The following SPECC1 variants were observed in gnomAD, a reference collection of about 807,000 sequenced individuals.
The protein encoded by SPECC1 is cytospin-B.
Under a neutral mutation model 104.1 loss-of-function variants are expected in SPECC1, and 62 were observed. That is an observed-to-expected ratio of 0.60 (90% confidence interval 0.49 to 0.74). The LOEUF is 0.74. Ranked by LOEUF, SPECC1 falls within the 30% of genes least tolerant of loss-of-function variation. The probability of loss-of-function intolerance (pLI) is 0.00; values close to 1 mark genes in which losing one functional copy is unlikely to be tolerated. For missense variants in SPECC1, 1,306 were observed against 1,310.5 expected (o/e 1.00, Z 0.05); for synonymous variants, 513 against 501.6 (o/e 1.02, Z -0.30).
At chr17:20,313,835 C>T in intron 14 of SPECC1, 141 bp from the exon 15 acceptor site, 1 of 701,546 alleles carries the variant, frequency 1.4e-6, no homozygotes, top group Non-Finnish European at 2.5e-6. Context: ...TTCAGCACCA[C>T]CTGTGCTGGC....
chr17:20,056,320 C>T lies in SPECC1; in HGVS notation c.-21-40311C>T, dbSNP rs185779762. ...ATCCAGCCTGTGAGGCCACCTGGTGCGGCTTGGGAACCCGCAGAAGCCTGC... is the reference window on the plus strand; with the variant it reads ...ATCCAGCCTGTGAGGCCACCTGGTGTGGCTTGGGAACCCGCAGAAGCCTGC... On this transcript the variant is annotated intron_variant, in intron 1 of 14. Coordinates refer to ENST00000395527, the MANE Select transcript of SPECC1 (RefSeq NM_001243439.2). 473 of 189,104 alleles carry T rather than the reference C, an allele frequency of 2.5e-3. 1 individual carries two copies. The highest frequency in any genetic ancestry group is 6.7e-3 in the East Asian group (51 of 7,584). The allele number at this position is 189,104 out of a possible 1,614,324, so 11.7% of individuals were successfully genotyped here. A position where few individuals can be genotyped will look rare whatever the true frequency, so the allele number is the denominator to read the frequency against.
chr17:20,300,835 G>T lies in SPECC1; in HGVS notation c.3057+3758G>T, dbSNP rs370069144. On this transcript the variant is annotated intron_variant, in intron 13 of 14. Transcript: ENST00000395527. ...ACCACCAGGGAGTGTGTAAGGCAGC[G>T]TGTGGAAGACTGTGGGTCTGTGATG... Among the ~76,000 whole-genome samples the T allele has an allele frequency of 1.4e-4, 21 of 152,350 alleles. No individual in the cohort carries two copies. In the East Asian group the frequency reaches 3.7e-3, roughly 27 times the overall value.
At chr17:20,090,941 A>G (rs1226252822) in intron 1 of SPECC1, among the ~76,000 whole-genome samples, 1 of 152,112 alleles carries the variant, frequency 6.6e-6, no homozygotes, top group Non-Finnish European at 1.5e-5. Flanking sequence ...ATGGGTCTCC[A>G]GATTACACCC....
intron 12 of SPECC1, among the ~76,000 whole-genome samples, chr17:20,275,421 A>G (rs923650987): frequency 2.6e-5 from 4 of 152,146 alleles, no homozygotes; most frequent in African/African-American, 9.7e-5. Context: ...GTATATAGTA[A>G]AAAGTGCAAT....
intron 3 of SPECC1, among the ~76,000 whole-genome samples, chr17:20,166,499 A>G (rs1303458000): frequency 6.6e-6 from 1 of 152,206 alleles, no homozygotes; most frequent in Admixed American, 6.5e-5. Flanking sequence ...ATTGAAAACT[A>G]CAATTATAGA....
chr17:20,021,617 A>T (rs2044377217), intron 1 of SPECC1, among the ~76,000 whole-genome samples: 1 of 150,302 alleles, frequency 6.7e-6, no homozygotes, highest in Admixed American at 6.6e-5. Flanking sequence ...GGGTGGCTGC[A>T]CCACTACCTT....
intron 12 of SPECC1, among the ~76,000 whole-genome samples, chr17:20,268,999 C>T (rs1000129786): frequency 9.9e-5 from 15 of 152,170 alleles, no homozygotes; most frequent in Non-Finnish European, 1.5e-4. Context: ...GGGAGGGACA[C>T]GTTCTCCCAC....
At chr17:20,204,157 C>CTGTGGG (rs1234312950) in intron 3 of SPECC1, among the ~76,000 whole-genome samples, 176 bp from the exon 4 acceptor site, 3 of 152,144 alleles carry the variant, frequency 2.0e-5, no homozygotes, top group Admixed American at 2.0e-4. Flanking sequence ...AAGTATAGGG[C>CTGTGGG]TGTGGGGAGG....
intron 10 of SPECC1, among the ~76,000 whole-genome samples, chr17:20,254,527 C>A (rs2039755312): frequency 1.3e-5 from 2 of 152,198 alleles, no homozygotes; most frequent in Admixed American, 6.5e-5. Flanking sequence ...GCACATCTCA[C>A]CTGCTGTTCT....
intron 3 of SPECC1, among the ~76,000 whole-genome samples, chr17:20,169,555 T>A: frequency 6.6e-6 from 1 of 152,158 alleles, no homozygotes; most frequent in Admixed American, 6.5e-5. Context: ...GAAAGGTGAA[T>A]TAACAGCATT....
chr17:20,161,909 C>T (rs2033192077), intron 3 of SPECC1, among the ~76,000 whole-genome samples: 2 of 151,762 alleles, frequency 1.3e-5, no homozygotes, highest in Non-Finnish European at 2.9e-5. Flanking sequence ...ATTCTCCTGC[C>T]TCAGCCTCTT....
In SPECC1 at chr17:20,237,177, A is replaced by G. The variant is rs73303599; in HGVS notation, c.2351+4772A>G. The G allele has an allele frequency of 1.7e-3, 2,240 of 1,331,414 alleles. 12 individuals are homozygous for G. The African/African-American group carries it at 0.021, about 12-fold the overall frequency. 82.5% of individuals were successfully genotyped at this position (1,331,414 alleles called of 1,614,324 possible). A position where few individuals can be genotyped will look rare whatever the true frequency, so the allele number is the denominator to read the frequency against. ...AATAAAATGAAGTTCTGAAAAAAAC[A>G]AAGTACAAGTCTTATGAAAAGTTAT... On this transcript the variant is annotated intron_variant, in intron 7 of 14. Coordinates refer to ENST00000395527, the MANE Select transcript of SPECC1 (RefSeq NM_001243439.2).
chr17:20,127,556 C>G (rs985881986), intron 3 of SPECC1, among the ~76,000 whole-genome samples: 7 of 150,762 alleles, frequency 4.6e-5, no homozygotes, highest in African/African-American at 1.7e-4. Context: ...AGTCCTCTTG[C>G]CTCAGGCTCT....
chr17:20,225,684 C>T (rs9905976), intron 4 of SPECC1, among the ~76,000 whole-genome samples: 37,837 of 152,020 alleles, frequency 0.25, 5,920 homozygotes, highest in African/African-American at 0.45. Context: ...CTCCCCTCTC[C>T]GGTGCATCTT....
At chr17:20,086,770 G>A (rs563396278) in intron 1 of SPECC1, among the ~76,000 whole-genome samples, 45 of 152,290 alleles carry the variant, frequency 3.0e-4, no homozygotes, top group African/African-American at 1.0e-3. Context: ...TCAGCAGTGC[G>A]GGGGAAGAGG....
At chr17:20,107,153 A>AAG (rs2048253106) in intron 2 of SPECC1, among the ~76,000 whole-genome samples, 1 of 148,512 alleles carries the variant, frequency 6.7e-6, no homozygotes, top group African/African-American at 2.4e-5. Flanking sequence ...TCAAAAAAAA[A>AAG]AAAAAAAAAA....
At chr17:20,036,633 T>C (rs1191121527) in intron 1 of SPECC1, among the ~76,000 whole-genome samples, 1 of 152,196 alleles carries the variant, frequency 6.6e-6, no homozygotes, top group African/African-American at 2.4e-5. Context: ...TGTTGTGCAA[T>C]AGGTATCTTG....
At chr17:20,234,768 C>A (rs924602790) in intron 7 of SPECC1, among the ~76,000 whole-genome samples, 4 of 152,330 alleles carry the variant, frequency 2.6e-5, no homozygotes, top group Middle Eastern at 3.4e-3. Flanking sequence ...TGGGCACTCA[C>A]AGGGTTGGTT....
In SPECC1 at chr17:20,253,139, C is replaced by A. The variant is rs1598089371; in HGVS notation, c.2599-366C>A. Among the ~76,000 whole-genome samples, 3 of 151,864 alleles carry A rather than the reference C, an allele frequency of 2.0e-5. No individual in the cohort carries two copies. In the South Asian group the frequency reaches 6.2e-4, roughly 32 times the overall value. ...CCTGATGATTAGTGATGTTGAGCAT[C>A]TTTTCATATACCTATTAACCATTAA... On this transcript the variant is annotated intron_variant, in intron 9 of 14. Coordinates refer to ENST00000395527, the MANE Select transcript of SPECC1 (RefSeq NM_001243439.2).
Sources: allele counts gnomAD v4.1 joint callset (sites outside exome capture counted in the v4.1 genomes callset), GRCh38; gene constraint gnomAD v4.1.1; transcripts MANE v1.5; gene names NCBI Gene and HGNC (gene_info 2026-07-23, HGNC 2026-07-21).